PACS2: variants seen among roughly 807,000 people sequenced by gnomAD.
PACS2 encodes the protein PACS1-like protein.
In PACS2, 36 loss-of-function variants were observed where a neutral mutation model predicts 113.0. The ratio of observed to expected loss-of-function variants is 0.32; its 90% CI spans 0.24 to 0.42. The LOEUF is 0.42. PACS2 is among the 10% of genes least tolerant of loss of function. The pLI is 1.00. For synonymous variants in PACS2, 589 were observed against 536.1 expected (o/e 1.10, Z -1.36); for missense variants, 1,015 against 1,239.5 (o/e 0.82, Z 2.72).
chr14:105,321,708 T>TA (rs767392189), intron 1 of PACS2, among the ~76,000 whole-genome samples: 1 of 150,016 alleles, frequency 6.7e-6, no homozygotes, highest in Non-Finnish European at 1.5e-5. Context: ...CATACATGTT[T>TA]AGAATTGTAA....
chr14:105,306,015 C>T (rs956174507), intron 1 of PACS2, among the ~76,000 whole-genome samples: 4 of 152,340 alleles, frequency 2.6e-5, no homozygotes, highest in Non-Finnish European at 4.4e-5. Context: ...AGCAGCAGAG[C>T]GGGGCCCAGG....
chr14:105,367,424 C>T (rs781978206), intron 5 of PACS2, 49 bp downstream of exon 5: 3 of 1,576,408 alleles, frequency 1.9e-6, no homozygotes, highest in East Asian at 2.3e-5. Context: ...GGAGGCCCTG[C>T]CTTCCAGCCA....
chr14:105,301,789 AG>A (rs1365891949), intron 1 of PACS2, among the ~76,000 whole-genome samples: 1 of 151,792 alleles, frequency 6.6e-6, no homozygotes, highest in East Asian at 1.9e-4. Flanking sequence ...AAATATCTGC[AG>A]GTGCTGTTCA....
At chr14:105,390,138 A>G (rs1459997480) in intron 20 of PACS2, 135 bp downstream of exon 20, 1 of 843,374 alleles carries the variant, frequency 1.2e-6, no homozygotes, top group East Asian at 2.4e-5. Context: ...TTGCCTTCCC[A>G]TCTGGCCTGT....
intron 1 of PACS2, among the ~76,000 whole-genome samples, chr14:105,306,645 G>A (rs587760725): frequency 3.1e-4 from 46 of 146,976 alleles, no homozygotes; most frequent in African/African-American, 1.1e-3. Context: ...TCGCTGTGTC[G>A]CCCAGGCTGT....
chr14:105,377,033 G>A, intron 9 of PACS2, 108 bp downstream of exon 9: 1 of 1,221,896 alleles, frequency 8.2e-7, no homozygotes, highest in Non-Finnish European at 1.1e-6. Context: ...GGGTGGGCAG[G>A]GCCAGCTGCC....
intron 1 of PACS2, among the ~76,000 whole-genome samples, chr14:105,325,071 C>T (rs1396735170): frequency 6.6e-6 from 1 of 152,092 alleles, no homozygotes; most frequent in African/African-American, 2.4e-5. Flanking sequence ...GCACCCCCTG[C>T]CCCCGGACAC....
In PACS2 at chr14:105,324,565, G is replaced by A. The variant is rs1052828120; in HGVS notation, c.119+9528G>A. 6.6e-5 allele frequency among the ~76,000 whole-genome samples: 10 copies of A among 152,214 alleles called. No individual in the cohort carries two copies. Among genetic ancestry groups the A allele is most frequent in the African/African-American group, 1.9e-4 (8 of 41,446 alleles). On this transcript the variant is annotated intron_variant, in intron 1 of 24. Coordinates refer to ENST00000447393, the MANE Select transcript of PACS2 (RefSeq NM_001100913.3). The surrounding 1 kb of genome is among the most constrained non-coding windows in gnomAD (Gnocchi z 4.7). ...AAAAATAGCCGAGCGCTGAGAGGCC[G>A]TCCCTTTCTGCTCCGCAGGCGCGCG...
At chr14:105,391,349 T>G in intron 21 of PACS2, 100 bp downstream of exon 21, 1 of 918,146 alleles carries the variant, frequency 1.1e-6, no homozygotes, top group Non-Finnish European at 1.8e-6. Flanking sequence ...TTTCAGGGCC[T>G]GAGAGCCGCC....
chr14:105,312,056 C>T (rs756956368), upstream of PACS2, among the ~76,000 whole-genome samples: 12 of 152,214 alleles, frequency 7.9e-5, no homozygotes, highest in Non-Finnish European at 1.6e-4. Context: ...CTGGAGGAGG[C>T]CCCTCCCCCA....
intron 1 of PACS2, among the ~76,000 whole-genome samples, chr14:105,332,385 G>A (rs587762228): frequency 5.3e-5 from 8 of 152,332 alleles, no homozygotes; most frequent in African/African-American, 1.4e-4. Flanking sequence ...CCTGGTGCCC[G>A]TGATATCAGT....
chr14:105,385,819 C>T (rs587711225), intron 19 of PACS2, 102 bp downstream of exon 19: 14 of 676,898 alleles, frequency 2.1e-5, no homozygotes, highest in East Asian at 1.3e-4. Context: ...GTCCTCTCTC[C>T]GGACTGGGAG....
At chr14:105,309,717 C>A (rs184908330), upstream of PACS2, among the ~76,000 whole-genome samples, 45 of 151,684 alleles carry the variant, frequency 3.0e-4, no homozygotes, top group Admixed American at 2.6e-3. This position sits in a 1 kb window ranked among gnomAD's most constrained non-coding sequence, Gnocchi z 4.0. Context: ...GTCATCACGA[C>A]CTTAGGTCTG....
intron 15 of PACS2, 95 bp from the exon 16 acceptor site, chr14:105,383,264 C>G (rs782676720): frequency 7.1e-7 from 1 of 1,418,360 alleles, no homozygotes; most frequent in Non-Finnish European, 9.8e-7. Context: ...GCCACAGGCA[C>G]GGAGCCCCCT....
chr14:105,313,919 T>TTGGGTCCCCAAGTTCAC (rs1211455341), upstream of PACS2, among the ~76,000 whole-genome samples: 2 of 152,230 alleles, frequency 1.3e-5, no homozygotes, highest in Non-Finnish European at 1.5e-5. Flanking sequence ...TCCTCTTTGC[T>TTGGGTCCCCAAGTTCAC]TGGGTCCCCA....
At position 105,317,103 on chromosome 14, in the gene PACS2, C is replaced by T. The variant is rs587757734; in HGVS notation, c.119+2066C>T. On this transcript the variant is annotated intron_variant, in intron 1 of 24. Transcript: ENST00000447393. This position sits in a 1 kb window ranked among gnomAD's most constrained non-coding sequence, Gnocchi z 4.2. ...AGTTTTGCTTTGTTCCTCCTGAGTT[C>T]TTCTGTACTCCTCACTTTTGCCCAG... is the stretch of plus-strand genomic sequence containing the variant. Among the ~76,000 whole-genome samples, 1 of 152,226 alleles carries T rather than the reference C, an allele frequency of 6.6e-6. No homozygotes were observed. The highest frequency in any genetic ancestry group is 2.1e-4 in the South Asian group (1 of 4,828).
At chr14:105,373,400 C>T (rs1236508100) in intron 8 of PACS2, among the ~76,000 whole-genome samples, 1 of 152,184 alleles carries the variant, frequency 6.6e-6, no homozygotes, top group South Asian at 2.1e-4. Flanking sequence ...GGTGATAGTC[C>T]AGAAGTGAAC....
At chr14:105,347,826 G>C (rs143788863) in intron 1 of PACS2, among the ~76,000 whole-genome samples, 2 of 152,204 alleles carry the variant, frequency 1.3e-5, no homozygotes, top group Non-Finnish European at 2.9e-5. Flanking sequence ...GCGCGTGTAC[G>C]GCAGATGCCC....
rs1555405060 is a variant in PACS2 at position 105,355,032 on chromosome 14, A to G, written c.298-20A>G. 4 of 1,610,848 alleles carry G rather than the reference A, an allele frequency of 2.5e-6. No homozygotes were observed. Among genetic ancestry groups the G allele is most frequent in the African/African-American group, 1.3e-5 (1 of 74,996 alleles). On this transcript the variant is annotated intron_variant, in intron 3 of 24. Coordinates refer to ENST00000447393, the MANE Select transcript of PACS2 (RefSeq NM_001100913.3). This position sits in a 1 kb window ranked among gnomAD's most constrained non-coding sequence, Gnocchi z 4.1. ...GGGCCCCGGTGCACCCTCAGCTGCC[A>G]CTCGCACTTGTGCCCACAGTATCCT...
Sources: gnomAD v4.1 joint callset for allele counts (sites outside exome capture counted in the v4.1 genomes callset) on GRCh38, gnomAD v4.1.1 for gene constraint, Gnocchi (gnomAD v3.1) non-coding constraint, MANE v1.5 for transcripts, NCBI Gene and HGNC (gene_info 2026-07-23, HGNC 2026-07-21) for gene names.